SENP1: variants seen among roughly 807,000 people sequenced by gnomAD.
The protein encoded by SENP1 is SUMO specific peptidase 1, also known as sentrin-specific protease 1.
In SENP1, 21 loss-of-function variants were observed where a neutral mutation model predicts 93.0. That is an observed-to-expected ratio of 0.23 (90% CI 0.16 to 0.33). The LOEUF is 0.33. Ranked by LOEUF, SENP1 falls within the 10% of genes least tolerant of loss-of-function variation. The pLI, the probability that SENP1 is intolerant of heterozygous loss-of-function variation, is 1.00. For synonymous variants in SENP1, 256 were observed against 259.6 expected, an observed-to-expected ratio of 0.99 and a Z score of 0.13; for missense variants, 591 against 758.7, an observed-to-expected ratio of 0.78 and a Z score of 2.60.
chr12:48,094,206 C>T (rs1192852546), intron 4 of SENP1, among the ~76,000 whole-genome samples: 1 of 152,028 alleles, frequency 6.6e-6, no homozygotes, highest in Non-Finnish European at 1.5e-5. Context: ...AAGACCCTCA[C>T]CTCTATAAAT....
At chr12:48,091,428 C>T (rs1448762193) in intron 4 of SENP1, among the ~76,000 whole-genome samples, 5 of 149,104 alleles carry the variant, frequency 3.4e-5, no homozygotes, top group African/African-American at 7.4e-5. Flanking sequence ...CCAGCCTGGG[C>T]GACAGAGCGA....
intron 9 of SENP1, 79 bp downstream of exon 9, chr12:48,071,588 C>G (rs756027483): frequency 2.0e-4 from 202 of 1,027,610 alleles, no homozygotes; most frequent in Non-Finnish European, 2.4e-4. Context: ...TACACTCCAG[C>G]CTGGGCAACA....
intron 13 of SENP1, 145 bp downstream of exon 13, chr12:48,063,565 T>C (rs1943096323): frequency 4.4e-6 from 3 of 686,980 alleles, no homozygotes; most frequent in Non-Finnish European, 4.6e-6. Context: ...CACTCCCTCA[T>C]AGTTACAAGA....
chr12:48,105,389 T>C (rs1166670874), intron 1 of SENP1: 1 of 518,734 alleles, frequency 1.9e-6, no homozygotes, highest in South Asian at 1.4e-5. Context: ...AAGAGACGGT[T>C]CAAGGGAATT....
chr12:48,089,963 C>A (rs1051123361), intron 4 of SENP1, among the ~76,000 whole-genome samples: 2 of 152,112 alleles, frequency 1.3e-5, no homozygotes, highest in Non-Finnish European at 2.9e-5. Flanking sequence ...AAATAGGCAG[C>A]CTTCCAAAAT....
intron 13 of SENP1, among the ~76,000 whole-genome samples, chr12:48,054,633 T>C (rs1942083303): frequency 6.6e-6 from 1 of 151,932 alleles, no homozygotes; most frequent in African/African-American, 2.4e-5. Flanking sequence ...CTACTAAAAA[T>C]AGACAAATTA....
Position 48,063,875 on chromosome 12 carries a change from C to T in SENP1, c.1276-34G>A, listed in dbSNP as rs776279387. 3.9e-5 allele frequency: 61 copies of T among 1,584,214 alleles called. No homozygotes were observed. The South Asian group carries it at 4.6e-4, about 12-fold the overall frequency. ...ACAAAAGGTGTCAAGACATCAAACA[C>T]GCGTGGCTTCAGAAAAACCGTATTT... On this transcript the variant is annotated intron_variant, in intron 12 of 17. Coordinates refer to ENST00000549518, the MANE Select transcript of SENP1 (RefSeq NM_001267594.2).
At chr12:48,104,274 C>CGGAG (rs1946259379) in intron 1 of SENP1, among the ~76,000 whole-genome samples, 1 of 9,692 alleles carries the variant, frequency 1.0e-4, no homozygotes, top group Admixed American at 8.6e-4. Context: ...GGGGGGGGGG[C>CGGAG]GGAGGGAGGG....
At chr12:48,101,097 C>T (rs1442372445) in intron 2 of SENP1, among the ~76,000 whole-genome samples, 1 of 152,074 alleles carries the variant, frequency 6.6e-6, no homozygotes, top group Non-Finnish European at 1.5e-5. Context: ...ACCAGCCTGG[C>T]CAACATGGCG....
At chr12:48,105,967 A>C in intron 1 of SENP1, 61 bp downstream of exon 1, 2 of 698,332 alleles carry the variant, frequency 2.9e-6, no homozygotes, top group Non-Finnish European at 5.2e-6. Context: ...GGTCCGACAC[A>C]GTCTCCTGGA....
rs896175040 is a variant in SENP1 at position 48,043,148 on chromosome 12, T to C, written c.*2174A>G. The stretch of plus-strand genomic sequence containing the variant: ...TAAGATGGTCTCAGGGTCACTAACT[T>C]CTACCTTGTGCAAAACTGCATTAGT... On this transcript the variant is annotated 3_prime_UTR_variant, in exon 18 of 18. Coordinates refer to ENST00000549518, the MANE Select transcript of SENP1 (RefSeq NM_001267594.2). The C allele has an allele frequency of 1.3e-5, 2 of 152,624 alleles. No individual in the cohort carries two copies. Among genetic ancestry groups the C allele is most frequent in the African/African-American group, 4.8e-5 (2 of 41,448 alleles). The allele number at this position is 152,624 out of a possible 1,614,324, so 9.5% of individuals were successfully genotyped here. A position where few individuals can be genotyped will look rare whatever the true frequency, so the allele number is the denominator to read the frequency against.
chr12:48,069,988 C>T (rs1054688751), intron 9 of SENP1, among the ~76,000 whole-genome samples: 5 of 152,120 alleles, frequency 3.3e-5, no homozygotes, highest in Non-Finnish European at 4.4e-5. Context: ...TTCCCAAAGC[C>T]ATATATGGCA....
At chr12:48,051,770 G>A (rs905317897) in intron 13 of SENP1, among the ~76,000 whole-genome samples, 1 of 152,192 alleles carries the variant, frequency 6.6e-6, no homozygotes, top group East Asian at 1.9e-4. Context: ...TGTCCCCGAC[G>A]CCAAGTTGGC....
chr12:48,095,115 T>C (rs1251870980), intron 4 of SENP1, among the ~76,000 whole-genome samples: 3 of 152,202 alleles, frequency 2.0e-5, no homozygotes, highest in Non-Finnish European at 4.4e-5. Context: ...ATAGTATGAA[T>C]CTAAAAGAGC....
At chr12:48,063,876 G>C (rs759059335) in intron 12 of SENP1, 35 bp from the exon 13 acceptor site, 9 of 1,583,990 alleles carry the variant, frequency 5.7e-6, no homozygotes, top group South Asian at 1.1e-5. Flanking sequence ...CATCAAACAC[G>C]CGTGGCTTCA....
intron 13 of SENP1, among the ~76,000 whole-genome samples, chr12:48,055,798 TAAATA>T (rs1381781190): frequency 6.9e-6 from 1 of 145,694 alleles, no homozygotes; most frequent in Non-Finnish European, 1.5e-5. Flanking sequence ...ATTTAATATA[TAAATA>T]AAATATATCA....
In SENP1 at chr12:48,079,468, C is replaced by T. The variant is rs539926200; in HGVS notation, c.552+4123G>A. ...GAGCCGAGATCGCGCCACTGCACTC[C>T]AGCTGGGGCAAGAGAACAAGACTCC... On this transcript the variant is annotated intron_variant, in intron 6 of 17. Transcript: ENST00000549518. Among the ~76,000 whole-genome samples the T allele has an allele frequency of 3.9e-5, 6 of 152,226 alleles. No individual in the cohort carries two copies. In the East Asian group the frequency reaches 1.2e-3, roughly 29 times the overall value.
chr12:48,102,963 T>C (rs1188840566), intron 1 of SENP1, among the ~76,000 whole-genome samples: 2 of 152,222 alleles, frequency 1.3e-5, no homozygotes, highest in African/African-American at 4.8e-5. Context: ...CTTAAAAGGC[T>C]TCTTTACTAA....
rs1326530035 is a variant in SENP1, at chr12:48,043,625, T to G, written c.*1697A>C. 1.4e-5 allele frequency: 2 copies of G among 148,050 alleles called. No homozygotes were observed. The highest frequency in any genetic ancestry group is 2.0e-4 in the East Asian group (1 of 5,024). The allele number at this position is 148,050 out of a possible 1,614,324, so 9.2% of individuals were successfully genotyped here. On this transcript the variant is annotated 3_prime_UTR_variant, in exon 18 of 18. Transcript: ENST00000549518. ...AAAAACAAAGAAAAAGAAAGAAAAA[T>G]AAAGAGAGATAGAAAGAGAAAGGGA...
Sources: gnomAD v4.1 joint callset for allele counts (sites outside exome capture counted in the v4.1 genomes callset) on GRCh38, gnomAD v4.1.1 for gene constraint, MANE v1.5 for transcripts, NCBI Gene and HGNC (gene_info 2026-07-23, HGNC 2026-07-21) for gene names.